Variants in IAH1 observed in about 807,000 individuals in gnomAD.
The protein encoded by IAH1 is isoamyl acetate hydrolyzing esterase 1 (putative).
In IAH1, 24 loss-of-function variants were observed where a neutral mutation model predicts 26.7. That is an observed-to-expected ratio of 0.90 (90% CI 0.65 to 1.26). IAH1 has a LOEUF of 1.26. IAH1 is among the 50% of genes most tolerant of loss of function. The pLI is 0.00. For synonymous variants in IAH1, 140 were observed against 118.5 expected, an observed-to-expected ratio of 1.18 and a Z score of -1.18; for missense variants, 300 against 299.9, an observed-to-expected ratio of 1.00 and a Z score of 0.00.
chr2:9,487,813 TGTGTGTGTGTGTGTGTGTGTGCGC>T (rs1558484739), intron 5 of IAH1, among the ~76,000 whole-genome samples: 3 of 103,234 alleles, frequency 2.9e-5, no homozygotes, highest in Non-Finnish European at 6.5e-5. Flanking sequence ...TGTGTGTGTG[TGTGTGTGTGTGTGTGTGTGTGCGC>T]GCGCGCGCGC....
intron 6 of IAH1, chr2:9,494,921 G>A (rs1047959091): frequency 1.1e-6 from 1 of 884,618 alleles, no homozygotes; most frequent in Non-Finnish European, 1.6e-6. Context: ...CCCCACCAAG[G>A]AGTAGTTTCT....
rs1245875285 is a variant in IAH1 at position 9,474,782 on chromosome 2, A to G, written c.81+135A>G. ...GAGGCCTGGCCACGCCCGTGGAGACACCGGAGGAGTGGCGGGTCCCCCAGT... is the reference window on the plus strand; with the variant it reads ...GAGGCCTGGCCACGCCCGTGGAGACGCCGGAGGAGTGGCGGGTCCCCCAGT... On this transcript the variant is annotated intron_variant, in intron 1 of 5. Transcript: ENST00000497473. The surrounding 1 kb of genome is among the most constrained non-coding windows in gnomAD (Gnocchi z 4.3). The G allele has an allele frequency of 1.6e-6, 1 of 637,088 alleles. No homozygotes were observed. The highest frequency in any genetic ancestry group is 2.4e-6 in the Non-Finnish European group (1 of 420,666). 39.5% of individuals were successfully genotyped at this position (637,088 alleles called of 1,614,324 possible). A position where few individuals can be genotyped will look rare whatever the true frequency, so the allele number is the denominator to read the frequency against.
the IAH1 span, among the ~76,000 whole-genome samples, chr2:9,508,641 T>G: frequency 6.6e-6 from 1 of 152,136 alleles, no homozygotes; most frequent in African/African-American, 2.4e-5. Flanking sequence ...TAAAATAGAA[T>G]TTACAATTCA....
chr2:9,500,310 G>A (rs1662923454), downstream of IAH1, among the ~76,000 whole-genome samples: 2 of 152,154 alleles, frequency 1.3e-5, no homozygotes, highest in Non-Finnish European at 2.9e-5. Flanking sequence ...ATGTGGTCAC[G>A]AAACCATATT....
At position 9,481,161 on chromosome 2, in the gene IAH1, T is replaced by A. The variant is rs191647508; in HGVS notation, c.284-125T>A. The A allele has an allele frequency of 9.1e-6, 9 of 988,924 alleles. No individual in the cohort carries two copies. In the African/African-American group the frequency reaches 1.5e-4, roughly 16 times the overall value. The allele number at this position is 988,924 out of a possible 1,614,324, so 61.3% of individuals were successfully genotyped here. A position where few individuals can be genotyped will look rare whatever the true frequency, so the allele number is the denominator to read the frequency against. On this transcript the variant is annotated intron_variant, in intron 3 of 5. Transcript: ENST00000497473. ...ATAAGGAGAAAACCTTCTCTTTGTGTCCTTGGTGTTAAACAATCCCCCCAG... is the reference window on the plus strand; with the variant it reads ...ATAAGGAGAAAACCTTCTCTTTGTGACCTTGGTGTTAAACAATCCCCCCAG...
At chr2:9,500,624 A>G (rs970357985), downstream of IAH1, among the ~76,000 whole-genome samples, 4 of 152,238 alleles carry the variant, frequency 2.6e-5, no homozygotes, top group East Asian at 3.8e-4. Flanking sequence ...TTTGAAAAAT[A>G]TAAGAATGGG....
chr2:9,494,631 A>C (rs1662421835), downstream of IAH1: 2 of 1,613,388 alleles, frequency 1.2e-6, no homozygotes, highest in Non-Finnish European at 1.7e-6. Context: ...GTACATAAAT[A>C]CTCACATTCA....
chr2:9,511,854 G>A, the IAH1 span, among the ~76,000 whole-genome samples: 2 of 151,248 alleles, frequency 1.3e-5, no homozygotes, highest in South Asian at 2.1e-4. Flanking sequence ...GCCTGTAATC[G>A]CAGCTATTTG....
upstream of IAH1, chr2:9,474,444 C>T (rs1682345493): frequency 2.0e-6 from 1 of 502,338 alleles, no homozygotes; most frequent in Non-Finnish European, 3.3e-6. The surrounding 1 kb of genome is among the most constrained non-coding windows in gnomAD (Gnocchi z 4.3). Context: ...GGGCAACGAC[C>T]TTCGCGCGTC....
the IAH1 span, among the ~76,000 whole-genome samples, chr2:9,506,453 G>A: frequency 7.5e-6 from 1 of 133,090 alleles, no homozygotes; most frequent in African/African-American, 2.9e-5. Context: ...TGTAACCTCC[G>A]CCTCCCGGGT....
downstream of IAH1, among the ~76,000 whole-genome samples, chr2:9,499,440 T>C (rs1040317307): frequency 5.3e-5 from 8 of 152,154 alleles, no homozygotes; most frequent in African/African-American, 1.7e-4. Flanking sequence ...CTTGCTCTGT[T>C]GCCCAGGCTG....
intron 3 of IAH1, among the ~76,000 whole-genome samples, chr2:9,481,078 G>A (rs1661139893): frequency 6.6e-6 from 1 of 152,162 alleles, no homozygotes; most frequent in Non-Finnish European, 1.5e-5. Context: ...AGTACTTACG[G>A]TGCCCCTAGT....
At chr2:9,497,149 T>C, downstream of IAH1, 1 of 1,614,200 alleles carries the variant, frequency 6.2e-7, no homozygotes, top group South Asian at 1.1e-5. Flanking sequence ...CTGTTCCCTC[T>C]CGCAGAAAGG....
the IAH1 span, among the ~76,000 whole-genome samples, chr2:9,502,871 TTC>T: frequency 2.8e-5 from 3 of 107,340 alleles, no homozygotes; most frequent in African/African-American, 7.8e-5. Flanking sequence ...AAGAGAGAAA[TTC>T]TGTCTCAAAA....
the IAH1 span, among the ~76,000 whole-genome samples, chr2:9,504,189 G>A: frequency 1.3e-5 from 2 of 151,982 alleles, no homozygotes; most frequent in Non-Finnish European, 2.9e-5. Context: ...GCTCCCCTCT[G>A]TAATCCCAGC....
rs116208804 is a variant in IAH1 at position 9,488,396 on chromosome 2, C to T, written c.*67C>T. ...TCAAAGTTGTCAATACGTAGAGGTA[C>T]GCTTTTTTCCTCAGGCTTAAACCTT... On this transcript the variant is annotated 3_prime_UTR_variant, in exon 6 of 6. Transcript: ENST00000497473. The T allele has an allele frequency of 2.9e-5, 36 of 1,252,724 alleles. No individual in the cohort carries two copies. Among genetic ancestry groups the T allele is most frequent in the South Asian group, 1.2e-4 (8 of 65,298 alleles). The allele number at this position is 1,252,724 out of a possible 1,614,324, so 77.6% of individuals were successfully genotyped here.
chr2:9,474,539 G>GCCCCCCCC, upstream of IAH1: 20 of 1,316,126 alleles, frequency 1.5e-5, no homozygotes, highest in Non-Finnish European at 1.9e-5. The surrounding 1 kb of genome is among the most constrained non-coding windows in gnomAD (Gnocchi z 4.3). Flanking sequence ...GTGGCTGGCG[G>GCCCCCCCC]CCCCGCCCCG....
At position 9,474,986 on chromosome 2, in the gene IAH1, C is replaced by T. The variant is rs1158902645; in HGVS notation, c.81+339C>T. 5 of 1,098,134 alleles carry T rather than the reference C, an allele frequency of 4.6e-6. No homozygotes were observed. The highest frequency in any genetic ancestry group is 7.6e-5 in the East Asian group (1 of 13,228). 68.0% of individuals were successfully genotyped at this position (1,098,134 alleles called of 1,614,324 possible). On this transcript the variant is annotated intron_variant, in intron 1 of 5. Coordinates refer to ENST00000497473, the MANE Select transcript of IAH1 (RefSeq NM_001039613.3). This position sits in a 1 kb window ranked among gnomAD's most constrained non-coding sequence, Gnocchi z 4.3. ...CTCCTGGGCAGCGGCCTTTCCCCTC[C>T]GGGTCCGGGTTAGCGGCCGCGGGCG...
At position 9,477,818 on chromosome 2, in the gene IAH1, G is replaced by A. The variant is rs1306759948; in HGVS notation, c.135-404G>A. 3.3e-5 allele frequency among the ~76,000 whole-genome samples: 5 copies of A among 152,042 alleles called. No individual in the cohort carries two copies. The East Asian group carries it at 9.6e-4, about 29-fold the overall frequency. ...AACCAGAAATCTCAAATATTCTATA[G>A]ACTGTTTAAATATAAACCAAACTAA... On this transcript the variant is annotated intron_variant, in intron 2 of 5. Transcript: ENST00000497473.
Sources: gnomAD v4.1 joint callset for allele counts (sites outside exome capture counted in the v4.1 genomes callset) on GRCh38, gnomAD v4.1.1 for gene constraint, Gnocchi (gnomAD v3.1) non-coding constraint, MANE v1.5 for transcripts, NCBI Gene and HGNC (gene_info 2026-07-23, HGNC 2026-07-21) for gene names.